TTC27: variants seen among roughly 807,000 people sequenced by gnomAD.
TTC27 encodes tetratricopeptide repeat protein 27.
Under a neutral mutation model 115.9 loss-of-function variants are expected in TTC27, and 79 were observed. The ratio of observed to expected loss-of-function variants is 0.68; its 90% confidence interval spans 0.57 to 0.82. The LOEUF is 0.82. TTC27 is among the 40% of genes least tolerant of loss of function. The pLI is 0.00. For synonymous variants in TTC27, 401 were observed against 356.0 expected (o/e 1.13, Z -1.42); for missense variants, 1,054 against 993.1 (o/e 1.06, Z -0.82).
intron 12 of TTC27, among the ~76,000 whole-genome samples, chr2:32,749,149 C>T (rs1164607416): frequency 2.6e-5 from 4 of 152,136 alleles, no homozygotes; most frequent in Non-Finnish European, 5.9e-5. Context: ...TTGTTTGCCC[C>T]AACTGTTATT....
At chr2:32,760,205 A>G (rs544019713) in intron 13 of TTC27, among the ~76,000 whole-genome samples, 2 of 152,358 alleles carry the variant, frequency 1.3e-5, no homozygotes, top group South Asian at 4.1e-4. Context: ...AACTTTCCAA[A>G]TCAGGTAAAA....
At chr2:32,754,980 A>G (rs1336154368) in intron 12 of TTC27, among the ~76,000 whole-genome samples, 18 of 150,214 alleles carry the variant, frequency 1.2e-4, no homozygotes, top group African/African-American at 4.4e-4. Context: ...CACTTCTCAG[A>G]CGGGGCGGCT....
intron 9 of TTC27, among the ~76,000 whole-genome samples, chr2:32,681,980 ATG>A (rs70938359): frequency 0.033 from 3,011 of 89,896 alleles, 50 homozygotes; most frequent in African/African-American, 0.062. Flanking sequence ...ATGTATATAT[ATG>A]TGTGTGTGTG....
At chr2:32,745,319 G>C (rs1325235738) in intron 12 of TTC27, among the ~76,000 whole-genome samples, 1 of 152,102 alleles carries the variant, frequency 6.6e-6, no homozygotes, top group Non-Finnish European at 1.5e-5. Flanking sequence ...TCTCCCTGAG[G>C]CAGACATGAT....
chr2:32,674,555 A>T (rs1666128315), intron 8 of TTC27, among the ~76,000 whole-genome samples: 1 of 152,196 alleles, frequency 6.6e-6, no homozygotes, highest in South Asian at 2.1e-4. Flanking sequence ...TAAAAGTTGA[A>T]TTCAGTTCTA....
intron 5 of TTC27, among the ~76,000 whole-genome samples, chr2:32,658,093 G>A (rs1480182388): frequency 1.3e-5 from 2 of 152,166 alleles, no homozygotes; most frequent in African/African-American, 4.8e-5. Context: ...CTCCCAAAGT[G>A]CTGGGATTAT....
chr2:32,768,103 C>G (rs1669701335), intron 13 of TTC27, among the ~76,000 whole-genome samples: 1 of 152,088 alleles, frequency 6.6e-6, no homozygotes, highest in Non-Finnish European at 1.5e-5. Context: ...ATATGAATGT[C>G]TACTCAGAAT....
intron 7 of TTC27, among the ~76,000 whole-genome samples, chr2:32,670,600 C>T (rs916958185): frequency 1.3e-4 from 20 of 151,126 alleles, no homozygotes; most frequent in African/African-American, 4.6e-4. Flanking sequence ...TTTGTGTGAA[C>T]GTAAGTTTTT....
intron 4 of TTC27, among the ~76,000 whole-genome samples, chr2:32,649,527 G>C (rs1051744417): frequency 6.6e-6 from 1 of 151,796 alleles, no homozygotes; most frequent in Non-Finnish European, 1.5e-5. Context: ...GAGTGCCACA[G>C]AGCAGGATGA....
rs370740703 is a variant in TTC27 at position 32,736,603 on chromosome 2, C to T, written c.1330-91C>T. On this transcript the variant is annotated intron_variant, in intron 11 of 19. Transcript: ENST00000317907. ...ATACATTTATTACAATAAGCAGACC[C>T]CTAAAAAGGCAGATTAGGTACACCT... 4.9e-5 allele frequency: 69 copies of T among 1,420,148 alleles called. 1 individual carries two copies. In the African/African-American group the frequency reaches 8.1e-4, roughly 17 times the overall value. 88.0% of individuals were successfully genotyped at this position (1,420,148 alleles called of 1,614,324 possible).
At chr2:32,721,338 A>G (rs564076803) in intron 10 of TTC27, among the ~76,000 whole-genome samples, 1 of 152,320 alleles carries the variant, frequency 6.6e-6, no homozygotes, top group East Asian at 1.9e-4. Flanking sequence ...ATTGGCTATT[A>G]TAACTGAGAG....
Position 32,628,065 on chromosome 2 carries a change from A to C in TTC27, c.-228A>C. On this transcript the variant is annotated 5_prime_UTR_variant, in exon 1 of 20. Transcript: ENST00000317907. ...AGCTCGGGTTCTTCTCCTAGGCGGAAGCCAGACCAGAGAGCGTGCGTGTTT... is the reference window on the plus strand; with the variant it reads ...AGCTCGGGTTCTTCTCCTAGGCGGACGCCAGACCAGAGAGCGTGCGTGTTT... 1.9e-6 allele frequency: 1 copy of C among 528,372 alleles called. No individual in the cohort carries two copies. Among genetic ancestry groups the C allele is most frequent in the Non-Finnish European group, 3.4e-6 (1 of 297,426 alleles). The allele number at this position is 528,372 out of a possible 1,614,324, so 32.7% of individuals were successfully genotyped here.
chr2:32,745,281 AGAT>A (rs1558321465), intron 12 of TTC27, among the ~76,000 whole-genome samples: 1 of 152,188 alleles, frequency 6.6e-6, no homozygotes. Context: ...CCAGGGGCTC[AGAT>A]GATATCATCA....
Position 32,787,047 on chromosome 2 carries a change from G to A in TTC27, c.1896G>A (p.Trp632Ter). The A allele has an allele frequency of 6.2e-7, 1 of 1,614,068 alleles. No individual in the cohort carries two copies. The highest frequency in any genetic ancestry group is 1.1e-5 in the South Asian group (1 of 91,070). ...LKCNYEHWQI[W>*]ENYILTSTDV... ...GTAACTATGAACACTGGCAGATTTG[G>A]GAAAACTACATCCTCACCAGCACTG... is the stretch of plus-strand genomic sequence containing the variant. Residue 632 changes from tryptophan (W) to a stop codon, truncating the protein, a stop_gained, in exon 16 of 20, where the codon TGG becomes TGA. Transcript: ENST00000317907. LOFTEE classifies it high-confidence loss of function.
intron 8 of TTC27, among the ~76,000 whole-genome samples, chr2:32,677,599 G>A (rs1008379221): frequency 3.3e-5 from 5 of 151,974 alleles, no homozygotes; most frequent in Non-Finnish European, 7.4e-5. Context: ...ACAGGCGTGC[G>A]CCACCACCCC....
intron 9 of TTC27, among the ~76,000 whole-genome samples, chr2:32,702,271 G>A (rs1241305559): frequency 6.6e-6 from 1 of 151,996 alleles, no homozygotes; most frequent in Non-Finnish European, 1.5e-5. Flanking sequence ...TTTACTGAAA[G>A]TAATTGTTGT....
Position 32,640,377 on chromosome 2 carries a change from A to C in TTC27, c.504A>C (p.Leu168=). 6.2e-7 allele frequency: 1 copy of C among 1,613,948 alleles called. No homozygotes were observed. Among genetic ancestry groups the C allele is most frequent in the South Asian group, 1.1e-5 (1 of 91,074 alleles). ...TACTGTTATTAGCACGCATTATCCTAGTGAATGTAAGACATAAACTGACAG... is the reference window on the plus strand; with the variant it reads ...TACTGTTATTAGCACGCATTATCCTCGTGAATGTAAGACATAAACTGACAG... The part of the protein sequence containing the change: ...PILLLLARII[L]VNVRHKLTAI... Residue 168 remains leucine, a synonymous_variant, in exon 4 of 20, where the codon CTA becomes CTC. Transcript: ENST00000317907.
rs192954772 is a variant in TTC27 at position 32,775,229 on chromosome 2, G to T, written c.1681-2653G>T. On this transcript the variant is annotated intron_variant, in intron 13 of 19. Transcript: ENST00000317907. ...TTGTTTGTTTTTGAGACGGAGTCTC[G>T]CTCTGTCACCCGGGCTGGAGTGCAG... Among the ~76,000 whole-genome samples the T allele has an allele frequency of 1.5e-3, 227 of 152,188 alleles. 2 individuals carry two copies. The highest frequency in any genetic ancestry group is 2.6e-3 in the Non-Finnish European group (174 of 67,988).
intron 7 of TTC27, among the ~76,000 whole-genome samples, chr2:32,670,529 A>G (rs1344424367): frequency 6.6e-6 from 1 of 152,182 alleles, no homozygotes; most frequent in East Asian, 1.9e-4. Flanking sequence ...GTTGGTGGAC[A>G]TTTAAGTTAT....
Sources: gnomAD v4.1 joint callset for allele counts (sites outside exome capture counted in the v4.1 genomes callset) on GRCh38, gnomAD v4.1.1 for gene constraint, MANE v1.5 for transcripts, NCBI Gene and HGNC (gene_info 2026-07-23, HGNC 2026-07-21) for gene names.